Variants in LINGO2 observed in about 807,000 individuals in gnomAD.
The protein encoded by LINGO2 is leucine-rich repeat and immunoglobulin-like domain-containing nogo receptor-interacting protein 2.
Under a neutral mutation model 30.6 loss-of-function variants are expected in LINGO2, and 14 were observed. The ratio of observed to expected loss-of-function variants is 0.46; its 90% CI spans 0.30 to 0.72. The LOEUF is 0.72. LINGO2 is among the 30% of genes least tolerant of loss of function. The pLI, the probability that LINGO2 is intolerant of heterozygous loss-of-function variation, is 0.07. For missense variants in LINGO2, 729 were observed against 751.7 expected, an observed-to-expected ratio of 0.97 and a Z score of 0.35; for synonymous variants, 317 against 288.5, an observed-to-expected ratio of 1.10 and a Z score of -1.00.
chr9:28,243,711 AG>A lies in LINGO2; in HGVS notation c.-87+51496del, dbSNP rs1255568269. Among the ~76,000 whole-genome samples the A allele has an allele frequency of 4.6e-5, 7 of 152,104 alleles. No individual in the cohort carries two copies. In the East Asian group the frequency reaches 1.2e-3, roughly 25 times the overall value. ...AGACTTTAAACCAAAAAAGATTAAAAGAAGAAGAAGAAGAAGAAGGGCGTTA... is the reference window on the plus strand; with the variant it reads ...AGACTTTAAACCAAAAAAGATTAAAAAAGAAGAAGAAGAAGAAGGGCGTTA... On this transcript the variant is annotated intron_variant, in intron 4 of 5. Coordinates refer to ENST00000379992, the Ensembl canonical transcript of LINGO2.
At chr9:28,954,881 G>T in the LINGO2 span, among the ~76,000 whole-genome samples, 5 of 152,254 alleles carry the variant, frequency 3.3e-5, no homozygotes, top group African/African-American at 1.2e-4. Context: ...AAAGGATTTA[G>T]ATTAAGATTA....
intron 3 of LINGO2, among the ~76,000 whole-genome samples, chr9:28,317,007 TC>T (rs1203389264): frequency 6.6e-6 from 1 of 152,210 alleles, no homozygotes; most frequent in African/African-American, 2.4e-5. Context: ...ACAATGTATA[TC>T]CGTCATTATC....
the LINGO2 span, among the ~76,000 whole-genome samples, chr9:28,708,140 A>G: frequency 1.2e-3 from 179 of 152,292 alleles, no homozygotes; most frequent in Admixed American, 6.5e-3. Flanking sequence ...TTATGTGACA[A>G]TAAGAATAAC....
chr9:28,229,738 TATCA>T (rs2133931458), intron 4 of LINGO2, among the ~76,000 whole-genome samples: 2 of 151,964 alleles, frequency 1.3e-5, no homozygotes, highest in African/African-American at 4.8e-5. Context: ...TCAGTTCTTT[TATCA>T]ATCAATTAGA....
chr9:28,448,471 T>A (rs1824515643), intron 2 of LINGO2, among the ~76,000 whole-genome samples: 1 of 152,070 alleles, frequency 6.6e-6, no homozygotes, highest in African/African-American at 2.4e-5. Context: ...AAAGAAGACG[T>A]TTGTTAAAAA....
intron 4 of LINGO2, among the ~76,000 whole-genome samples, chr9:28,023,381 C>A (rs2119391984): frequency 6.6e-6 from 1 of 152,196 alleles, no homozygotes; most frequent in East Asian, 1.9e-4. Flanking sequence ...GCTTCAAATT[C>A]CTGTAATATC....
intron 4 of LINGO2, among the ~76,000 whole-genome samples, chr9:28,062,786 G>T (rs1463410074): frequency 6.6e-6 from 1 of 150,656 alleles, no homozygotes; most frequent in Non-Finnish European, 1.5e-5. Flanking sequence ...TTAAAATATG[G>T]TTTCTTCAGT....
In LINGO2 at chr9:28,383,802, G is replaced by C. The variant is rs192898218; in HGVS notation, c.-278-10934C>G. 1.2e-3 allele frequency among the ~76,000 whole-genome samples: 183 copies of C among 146,762 alleles called. No individual in the cohort carries two copies. The Middle Eastern group carries it at 0.017, about 14-fold the overall frequency. On this transcript the variant is annotated intron_variant, in intron 2 of 5. Transcript: ENST00000379992. ...AATATTGTGTAAAATTAATTAAACA[G>C]AGATTTTAATATAAGGAAGCTCTGA...
At chr9:28,385,930 C>G (rs945095158) in intron 2 of LINGO2, among the ~76,000 whole-genome samples, 1 of 152,060 alleles carries the variant, frequency 6.6e-6, no homozygotes, top group Admixed American at 6.6e-5. Flanking sequence ...TATCTTCTTA[C>G]AGACCATCAT....
chr9:28,885,176 G>A, the LINGO2 span, among the ~76,000 whole-genome samples: 1 of 148,152 alleles, frequency 6.7e-6, no homozygotes, highest in African/African-American at 2.5e-5. Context: ...GTGGGTAGGA[G>A]GGACACAGGG....
intron 1 of LINGO2, among the ~76,000 whole-genome samples, chr9:28,526,286 C>T (rs1033472706): frequency 1.3e-5 from 2 of 152,070 alleles, no homozygotes; most frequent in Non-Finnish European, 2.9e-5. Context: ...TTTGAGTGCT[C>T]AGCCAGAAAA....
intron 4 of LINGO2, among the ~76,000 whole-genome samples, chr9:28,233,650 A>G (rs865890736): frequency 2.0e-5 from 3 of 152,216 alleles, no homozygotes; most frequent in African/African-American, 4.8e-5. Context: ...AACTCCAGCA[A>G]GTACAGCTCA....
chr9:29,140,730 C>A, the LINGO2 span, among the ~76,000 whole-genome samples: 3 of 151,840 alleles, frequency 2.0e-5, no homozygotes, highest in Non-Finnish European at 4.4e-5. Flanking sequence ...AAATTAAAAT[C>A]AAATTCTAAT....
intron 4 of LINGO2, among the ~76,000 whole-genome samples, chr9:28,086,978 C>T (rs535931112): frequency 6.6e-6 from 1 of 152,214 alleles, no homozygotes; most frequent in Non-Finnish European, 1.5e-5. Context: ...ACCTTTGGAT[C>T]AGAGTTAGAC....
chr9:28,105,660 T>A (rs1311474453), intron 4 of LINGO2, among the ~76,000 whole-genome samples: 1 of 152,072 alleles, frequency 6.6e-6, no homozygotes, highest in Non-Finnish European at 1.5e-5. Context: ...ACTGAGCTCA[T>A]ACAGGTGGAG....
the LINGO2 span, among the ~76,000 whole-genome samples, chr9:29,120,107 C>T: frequency 0.19 from 29,096 of 151,960 alleles, 2,967 homozygotes; most frequent in East Asian, 0.37. Context: ...CTGTTATACT[C>T]ATGTATTTTG....
chr9:28,127,404 A>G (rs1039775481), intron 4 of LINGO2, among the ~76,000 whole-genome samples: 3 of 152,240 alleles, frequency 2.0e-5, no homozygotes, highest in African/African-American at 7.2e-5. Flanking sequence ...TGCCCTCCCA[A>G]TACTGCATGA....
intron 4 of LINGO2, among the ~76,000 whole-genome samples, chr9:28,097,916 C>T (rs1826295040): frequency 1.3e-5 from 2 of 151,926 alleles, no homozygotes; most frequent in Non-Finnish European, 2.9e-5. Flanking sequence ...ATGAGATGAG[C>T]TGGATACCTA....
chr9:28,119,290 G>A (rs986537084), intron 4 of LINGO2, among the ~76,000 whole-genome samples: 2 of 152,140 alleles, frequency 1.3e-5, no homozygotes, highest in African/African-American at 4.8e-5. Context: ...CCCATGCCCA[G>A]CTAATTTTTG....
Sources: gnomAD v4.1 joint callset for allele counts (sites outside exome capture counted in the v4.1 genomes callset) on GRCh38, gnomAD v4.1.1 for gene constraint, MANE v1.5 for transcripts, NCBI Gene and HGNC (gene_info 2026-07-23, HGNC 2026-07-21) for gene names.